The following LRRTM4 variants were observed in gnomAD, a reference collection of about 807,000 sequenced individuals.
LRRTM4 encodes the protein leucine rich repeat transmembrane neuronal 4, also known as leucine-rich repeat transmembrane neuronal protein 4.
Under a neutral mutation model 47.6 loss-of-function variants are expected in LRRTM4, and 25 were observed. The ratio of observed to expected loss-of-function variants is 0.53; its 90% confidence interval spans 0.38 to 0.73. The LOEUF is 0.73. Ranked by LOEUF, LRRTM4 falls within the 30% of genes least tolerant of loss-of-function variation. LRRTM4 has a pLI of 0.00. For missense variants in LRRTM4, 638 were observed against 713.4 expected (o/e 0.89, Z 1.20); for synonymous variants, 311 against 269.5 (o/e 1.15, Z -1.51).
At position 77,161,571 on chromosome 2, in the gene LRRTM4, A is replaced by G. The variant is rs1672729596; in HGVS notation, c.1551+356747T>C. 2.0e-5 allele frequency among the ~76,000 whole-genome samples: 3 copies of G among 152,244 alleles called. No homozygotes were observed. The South Asian group carries it at 6.2e-4, about 32-fold the overall frequency. The stretch of plus-strand genomic sequence containing the variant: ...GTAACAGCTTTTCTTCCTTAATAAT[A>G]AATGTTCTAGGCATTTTGTCTGTGA... On this transcript the variant is annotated intron_variant, in intron 3 of 3. Transcript: ENST00000409884.
chr2:76,820,065 A>G lies in LRRTM4; in HGVS notation c.1552-71149T>C, dbSNP rs1671010191. 2.6e-5 allele frequency among the ~76,000 whole-genome samples: 4 copies of G among 151,968 alleles called. No homozygotes were observed. The South Asian group carries it at 8.3e-4, about 31-fold the overall frequency. On this transcript the variant is annotated intron_variant, in intron 3 of 3. Transcript: ENST00000409884. ...CTTTTCCTTTAATAAAATTTCTTAA[A>G]TAAATTTAAAAAGGAAACTACATGT...
At chr2:77,275,794 C>T (rs1199925229) in intron 3 of LRRTM4, among the ~76,000 whole-genome samples, 2 of 151,562 alleles carry the variant, frequency 1.3e-5, no homozygotes, top group African/African-American at 2.4e-5. Flanking sequence ...AATGTGATAC[C>T]AAATCAAAGA....
chr2:77,339,779 A>G (rs1028884819), intron 3 of LRRTM4, among the ~76,000 whole-genome samples: 1 of 151,978 alleles, frequency 6.6e-6, no homozygotes, highest in Non-Finnish European at 1.5e-5. Flanking sequence ...GCCAGACATA[A>G]TGTGAGGAGT....
In LRRTM4 at chr2:77,174,712, T is replaced by G. The variant is rs534837438; in HGVS notation, c.1551+343606A>C. Among the ~76,000 whole-genome samples the G allele has an allele frequency of 2.0e-5, 3 of 152,202 alleles. No individual in the cohort carries two copies. The South Asian group carries it at 6.2e-4, about 32-fold the overall frequency. ...GCACAACGTGCAGGTTTGTTACATA[T>G]GTATACATGTGCCATGTTGGTGTGC... is the stretch of plus-strand genomic sequence containing the variant. On this transcript the variant is annotated intron_variant, in intron 3 of 3. Transcript: ENST00000409884.
At chr2:77,520,954 CTTAAATTT>C (rs1679466009) in intron 2 of LRRTM4, among the ~76,000 whole-genome samples, 1 of 150,978 alleles carries the variant, frequency 6.6e-6, no homozygotes, top group East Asian at 1.9e-4. Context: ...CTTTTTTTTT[CTTAAATTT>C]TTAAATTTTT....
At chr2:76,926,958 T>C (rs916260215) in intron 3 of LRRTM4, among the ~76,000 whole-genome samples, 10 of 152,118 alleles carry the variant, frequency 6.6e-5, no homozygotes, top group African/African-American at 2.4e-4. Flanking sequence ...AAAGCAAAGA[T>C]ACGTGAAAAT....
At chr2:77,275,623 C>T (rs76541363) in intron 3 of LRRTM4, among the ~76,000 whole-genome samples, 11 of 152,042 alleles carry the variant, frequency 7.2e-5, no homozygotes, top group Non-Finnish European at 1.0e-4. Context: ...GGCTACCCTC[C>T]GGTCTATGCA....
chr2:76,899,218 G>C (rs1002964326), intron 3 of LRRTM4, among the ~76,000 whole-genome samples: 9 of 151,640 alleles, frequency 5.9e-5, no homozygotes, highest in Non-Finnish European at 1.2e-4. Context: ...TATATATAGA[G>C]AGAGATGCTG....
chr2:77,270,291 C>G (rs1358962227), intron 3 of LRRTM4, among the ~76,000 whole-genome samples: 4 of 152,050 alleles, frequency 2.6e-5, no homozygotes, highest in Non-Finnish European at 2.9e-5. Flanking sequence ...GTCTTGCTCT[C>G]GGTTTGCCAA....
At chr2:77,346,689 A>T (rs2104287453) in intron 3 of LRRTM4, among the ~76,000 whole-genome samples, 1 of 152,280 alleles carries the variant, frequency 6.6e-6, no homozygotes, top group African/African-American at 2.4e-5. Flanking sequence ...TTTAATTGCA[A>T]AATTAATTTT....
chr2:77,183,734 T>C (rs1011579394), intron 3 of LRRTM4, among the ~76,000 whole-genome samples: 1 of 152,146 alleles, frequency 6.6e-6, no homozygotes, highest in African/African-American at 2.4e-5. Flanking sequence ...ATCTACACCA[T>C]GGAATACTAT....
chr2:77,019,531 A>G (rs1347059056), intron 3 of LRRTM4, among the ~76,000 whole-genome samples: 6 of 152,100 alleles, frequency 3.9e-5, no homozygotes, highest in Admixed American at 3.9e-4. Flanking sequence ...AGCTGCTGTG[A>G]AGATACAATG....
At chr2:77,251,796 C>T (rs928228633) in intron 3 of LRRTM4, among the ~76,000 whole-genome samples, 1 of 152,094 alleles carries the variant, frequency 6.6e-6, no homozygotes, top group Non-Finnish European at 1.5e-5. Flanking sequence ...CTAGTCTTCA[C>T]ATACATGGTA....
chr2:76,814,138 A>C (rs2102827), intron 3 of LRRTM4, among the ~76,000 whole-genome samples: 68,747 of 151,884 alleles, frequency 0.45, 16,637 homozygotes, highest in East Asian at 0.73. Flanking sequence ...CATGACTATA[A>C]TGAGGTTACA....
At position 76,869,084 on chromosome 2, in the gene LRRTM4, G is replaced by A. The variant is rs531399102; in HGVS notation, c.1552-120168C>T. ...CCAGCACTTTGGGAGGCCGAGGTGAGCAGATCACGAGGTCAAGAAATCGAG... is the reference window on the plus strand; with the variant it reads ...CCAGCACTTTGGGAGGCCGAGGTGAACAGATCACGAGGTCAAGAAATCGAG... On this transcript the variant is annotated intron_variant, in intron 3 of 3. Transcript: ENST00000409884. Among the ~76,000 whole-genome samples the A allele has an allele frequency of 4.6e-5, 7 of 152,234 alleles. 1 individual carries two copies. In the South Asian group the frequency reaches 1.5e-3, roughly 32 times the overall value.
chr2:77,120,318 A>G (rs1228121361), intron 3 of LRRTM4, among the ~76,000 whole-genome samples: 2 of 151,934 alleles, frequency 1.3e-5, no homozygotes, highest in Non-Finnish European at 3.0e-5. Context: ...GACTTTGTAA[A>G]TGATTTAGAA....
At chr2:77,431,251 A>G (rs769702372) in intron 3 of LRRTM4, among the ~76,000 whole-genome samples, 7 of 148,928 alleles carry the variant, frequency 4.7e-5, no homozygotes, top group Non-Finnish European at 1.0e-4. Context: ...ATAAACTTCT[A>G]TAAATAATAC....
chr2:77,349,707 T>C (rs1463410388), intron 3 of LRRTM4, among the ~76,000 whole-genome samples: 8 of 152,110 alleles, frequency 5.3e-5, no homozygotes, highest in Non-Finnish European at 1.2e-4. Flanking sequence ...CAAATCCATA[T>C]AGAAGTTGTA....
intron 3 of LRRTM4, among the ~76,000 whole-genome samples, chr2:77,407,511 T>C (rs549649026): frequency 3.4e-4 from 50 of 149,060 alleles, no homozygotes; most frequent in African/African-American, 1.2e-3. Flanking sequence ...GGTTTTTTTG[T>C]TTGTTTTGGC....
Sources: gnomAD v4.1 joint callset for allele counts (sites outside exome capture counted in the v4.1 genomes callset) on GRCh38, gnomAD v4.1.1 for gene constraint, MANE v1.5 for transcripts, NCBI Gene and HGNC (gene_info 2026-07-23, HGNC 2026-07-21) for gene names.